The following PPP2R5C variants were observed in gnomAD, a reference collection of about 807,000 sequenced individuals.
The protein encoded by PPP2R5C is serine/threonine-protein phosphatase 2A 56 kDa regulatory subunit gamma isoform.
Under a neutral mutation model 68.9 loss-of-function variants are expected in PPP2R5C, and 7 were observed. The observed-to-expected ratio is 0.10, with a 90% confidence interval of 0.06 to 0.19. PPP2R5C has a LOEUF of 0.19. Among genes scored for constraint, PPP2R5C ranks in the 10% least tolerant of loss-of-function variants. PPP2R5C has a pLI of 1.00. For missense variants in PPP2R5C, 348 were observed against 641.3 expected (o/e 0.54, Z 4.94); for synonymous variants, 210 against 222.2 (o/e 0.95, Z 0.49).
chr14:101,816,964 A>T (rs558590472), intron 1 of PPP2R5C, among the ~76,000 whole-genome samples: 20 of 137,256 alleles, frequency 1.5e-4, no homozygotes, highest in Middle Eastern at 3.8e-3. Flanking sequence ...ATGTATATAT[A>T]TTTTTTTTTT....
intron 9 of PPP2R5C, 76 bp downstream of exon 11, chr14:101,901,965 G>C (rs1364824014): frequency 6.8e-7 from 1 of 1,475,284 alleles, no homozygotes; most frequent in Non-Finnish European, 9.2e-7. Flanking sequence ...TGCGTAGCTG[G>C]CCATGCTTTG....
intron 2 of PPP2R5C, among the ~76,000 whole-genome samples, chr14:101,858,258 A>G (rs374506668): frequency 1.2e-4 from 18 of 152,312 alleles, no homozygotes; most frequent in African/African-American, 4.3e-4. Context: ...TAGCCCCAGA[A>G]TCATAAAAAT....
intron 1 of PPP2R5C, among the ~76,000 whole-genome samples, chr14:101,817,070 G>T (rs1355883920): frequency 6.7e-6 from 1 of 150,344 alleles, no homozygotes; most frequent in African/African-American, 2.5e-5. Flanking sequence ...CAATTCCACT[G>T]CCTCAGCCTC....
intron 9 of PPP2R5C, among the ~76,000 whole-genome samples, chr14:101,904,840 C>T (rs574579792): frequency 2.6e-4 from 39 of 152,380 alleles, no homozygotes; most frequent in South Asian, 2.1e-3. Flanking sequence ...TGAAGCTCCT[C>T]TTCCCAGAGG....
chr14:101,771,222 CGTGTGTGTGTGTGTGT>C (rs3993402), intron 2 of PPP2R5C, among the ~76,000 whole-genome samples: 20,188 of 135,446 alleles, frequency 0.15, 1,789 homozygotes, highest in Non-Finnish European at 0.21. Context: ...TTCTTCATCT[CGTGTGTGTGTGTGTGT>C]GTGTGTGTGT....
exon 9 of PPP2R5C, chr14:101,901,739 A>T (rs1356103396): frequency 6.2e-7 from 1 of 1,613,780 alleles, no homozygotes; most frequent in East Asian, 2.2e-5. Context: ...CACTTCTCAA[A>T]TACTGGCCAA....
intron 7 of PPP2R5C, among the ~76,000 whole-genome samples, chr14:101,893,699 G>A (rs961977849): frequency 1.1e-4 from 16 of 152,190 alleles, no homozygotes; most frequent in African/African-American, 3.9e-4. Flanking sequence ...GCAGTGAGCC[G>A]AGATCGCGCC....
intron 2 of PPP2R5C, among the ~76,000 whole-genome samples, chr14:101,767,462 C>G (rs767443956): frequency 6.6e-6 from 1 of 152,080 alleles, no homozygotes; most frequent in Non-Finnish European, 1.5e-5. Context: ...TCATTTTGTT[C>G]GGCACAACTC....
chr14:101,877,407 G>A lies in PPP2R5C; in HGVS notation c.295-4754G>A, dbSNP rs552096840. Among the ~76,000 whole-genome samples the A allele has an allele frequency of 4.6e-5, 7 of 152,238 alleles. No homozygotes were observed. In the East Asian group the frequency reaches 9.7e-4, roughly 21 times the overall value. On this transcript the variant is annotated intron_variant, in intron 2 of 13. Transcript: ENST00000334743. The surrounding 1 kb of genome is among the most constrained non-coding windows in gnomAD (Gnocchi z 4.2). ...TCTGCGTCTGTGCCTCTGGGTGTGCGCTGGATCCGTAGGTCTCATTTGAGA... is the reference window on the plus strand; with the variant it reads ...TCTGCGTCTGTGCCTCTGGGTGTGCACTGGATCCGTAGGTCTCATTTGAGA...
At chr14:101,792,490 C>A (rs973151661) in intron 3 of PPP2R5C, among the ~76,000 whole-genome samples, 9 of 152,198 alleles carry the variant, frequency 5.9e-5, no homozygotes, top group African/African-American at 2.2e-4. Flanking sequence ...ATTTTTCTTA[C>A]CAACCAGAGA....
At chr14:101,765,846 C>G (rs1330039078) in intron 2 of PPP2R5C, 1 of 151,794 alleles carries the variant, frequency 6.6e-6, no homozygotes, top group Non-Finnish European at 1.5e-5. Context: ...CTCAGCATCC[C>G]AAAGTGCTGG....
At chr14:101,919,553 A>G (rs541708157) in intron 13 of PPP2R5C, among the ~76,000 whole-genome samples, 1 of 152,278 alleles carries the variant, frequency 6.6e-6, no homozygotes, top group Admixed American at 6.5e-5. Context: ...AGACTTGTTA[A>G]GTTGACCTTG....
chr14:101,798,843 A>G (rs778847092), intron 3 of PPP2R5C, among the ~76,000 whole-genome samples: 1 of 152,192 alleles, frequency 6.6e-6, no homozygotes. Context: ...GCAGGTAGGC[A>G]TGTCACAGGA....
intron 2 of PPP2R5C, among the ~76,000 whole-genome samples, chr14:101,881,960 C>T (rs1331631632): frequency 1.3e-5 from 2 of 152,164 alleles, no homozygotes; most frequent in Admixed American, 6.5e-5. Context: ...TGCGTGCGCA[C>T]CTGTCCAAAG....
chr14:101,811,597 C>T (rs2035727468), intron 1 of PPP2R5C, among the ~76,000 whole-genome samples: 1 of 152,144 alleles, frequency 6.6e-6, no homozygotes, highest in Admixed American at 6.5e-5. Context: ...CCCACCTCCG[C>T]CTCCCAAAGT....
chr14:101,776,207 G>A (rs1031973755), intron 2 of PPP2R5C, among the ~76,000 whole-genome samples: 2 of 152,042 alleles, frequency 1.3e-5, no homozygotes, highest in Non-Finnish European at 2.9e-5. Context: ...ATAATACTGA[G>A]TTTGAAAAAT....
At chr14:101,816,718 A>G (rs536992965) in intron 1 of PPP2R5C, among the ~76,000 whole-genome samples, 67 of 151,890 alleles carry the variant, frequency 4.4e-4, no homozygotes, top group African/African-American at 1.5e-3. Flanking sequence ...TTTAAATGGT[A>G]AAGAGAAAAG....
At chr14:101,872,056 C>A (rs554679962) in intron 2 of PPP2R5C, among the ~76,000 whole-genome samples, 2 of 151,810 alleles carry the variant, frequency 1.3e-5, no homozygotes, top group Admixed American at 6.6e-5. Flanking sequence ...CAGATAGTTA[C>A]AATTTTCAGT....
chr14:101,883,615 C>G (rs1477452615), intron 5 of PPP2R5C, 53 bp downstream of exon 7: 13 of 1,589,648 alleles, frequency 8.2e-6, no homozygotes, highest in African/African-American at 1.4e-5. Flanking sequence ...CTCATTTCCC[C>G]CCTCGATGCT....
Sources: gnomAD v4.1 joint callset for allele counts (sites outside exome capture counted in the v4.1 genomes callset) on GRCh38, gnomAD v4.1.1 for gene constraint, Gnocchi (gnomAD v3.1) non-coding constraint, MANE v1.5 for transcripts, NCBI Gene and HGNC (gene_info 2026-07-23, HGNC 2026-07-21) for gene names.